EYS: variants seen among roughly 807,000 people sequenced by gnomAD.
EYS encodes the protein protein eyes shut homolog.
Under a neutral mutation model 282.1 loss-of-function variants are expected in EYS, and 250 were observed. The ratio of observed to expected loss-of-function variants is 0.89; its 90% confidence interval spans 0.80 to 0.98. The LOEUF is 0.98. Among genes scored for constraint, EYS ranks in the 50% least tolerant of loss-of-function variants. The probability of loss-of-function intolerance (pLI) is 0.00; values close to 1 mark genes in which losing one functional copy is unlikely to be tolerated. For synonymous variants in EYS, 1,355 were observed against 1,282.9 expected (o/e 1.06, Z -1.20); for missense variants, 4,016 against 3,709.0 (o/e 1.08, Z -2.15).
At chr6:64,363,847 A>G (rs1391973613) in intron 29 of EYS, among the ~76,000 whole-genome samples, 3 of 151,940 alleles carry the variant, frequency 2.0e-5, no homozygotes, top group African/African-American at 7.2e-5. Flanking sequence ...AATGTACAGT[A>G]TATCTACTGA....
intron 13 of EYS, among the ~76,000 whole-genome samples, chr6:65,043,794 C>A (rs1030324070): frequency 7.9e-5 from 12 of 151,464 alleles, no homozygotes; most frequent in African/African-American, 2.4e-4. Context: ...TTGACAGACA[C>A]TTAGGTTGAT....
chr6:64,445,479 C>T (rs1775090386), intron 26 of EYS, among the ~76,000 whole-genome samples: 1 of 152,054 alleles, frequency 6.6e-6, no homozygotes, highest in African/African-American at 2.4e-5. Context: ...ATTTTGTATG[C>T]TTTTGGTACA....
At chr6:64,322,340 A>C (rs1770245133) in intron 29 of EYS, among the ~76,000 whole-genome samples, 1 of 152,156 alleles carries the variant, frequency 6.6e-6, no homozygotes, top group Non-Finnish European at 1.5e-5. Flanking sequence ...ATGTTAGTAG[A>C]AACCCAGATA....
intron 22 of EYS, among the ~76,000 whole-genome samples, chr6:64,632,199 T>C (rs1767806326): frequency 6.6e-6 from 1 of 152,120 alleles, no homozygotes; most frequent in Non-Finnish European, 1.5e-5. Flanking sequence ...ATCAGATATG[T>C]AAATGACTTC....
chr6:65,244,603 C>G (rs1380525864), intron 12 of EYS, among the ~76,000 whole-genome samples: 1 of 152,120 alleles, frequency 6.6e-6, no homozygotes, highest in African/African-American at 2.4e-5. Context: ...AGCTCTGCCT[C>G]CCGGGTTCAT....
intron 29 of EYS, chr6:64,378,051 C>G (rs1161743625): frequency 6.6e-6 from 1 of 152,146 alleles, no homozygotes; most frequent in African/African-American, 2.4e-5. Flanking sequence ...CTCCAGAATG[C>G]TTGCTTACTT....
chr6:64,008,193 C>CT (rs1768440730), intron 33 of EYS, among the ~76,000 whole-genome samples: 1 of 152,106 alleles, frequency 6.6e-6, no homozygotes, highest in African/African-American at 2.4e-5. Context: ...ATGATTAGGT[C>CT]TTTTTTTCGA....
At position 63,907,681 on chromosome 6, in the gene EYS, A is replaced by G. The variant is rs1278385591; in HGVS notation, c.7056-43323T>C. ...AAAAGTGCAGTTTTGTTTCATGAAT[A>G]GTGGTGAAGTCTGGGCTTTTAGTGT... On this transcript the variant is annotated intron_variant, in intron 35 of 42. Transcript: ENST00000503581. Among the ~76,000 whole-genome samples, 3 of 152,104 alleles carry G rather than the reference A, an allele frequency of 2.0e-5. No individual in the cohort carries two copies. The East Asian group carries it at 5.8e-4, about 29-fold the overall frequency.
chr6:63,796,196 A>C (rs1770640292), intron 37 of EYS, among the ~76,000 whole-genome samples: 1 of 152,202 alleles, frequency 6.6e-6, no homozygotes, highest in Non-Finnish European at 1.5e-5. Context: ...GAAGTGGTAC[A>C]TGCTTGTGTT....
chr6:64,036,040 C>T (rs1438332577), intron 33 of EYS, among the ~76,000 whole-genome samples: 1 of 152,204 alleles, frequency 6.6e-6, no homozygotes, highest in Non-Finnish European at 1.5e-5. Flanking sequence ...CTGATTTACA[C>T]TTGTTCTTTC....
At chr6:65,157,796 C>T (rs549837289) in intron 12 of EYS, among the ~76,000 whole-genome samples, 3 of 149,206 alleles carry the variant, frequency 2.0e-5, no homozygotes, top group East Asian at 2.0e-4. Context: ...CAGGTTTTTT[C>T]CCCCCATATT....
intron 41 of EYS, among the ~76,000 whole-genome samples, chr6:63,727,923 C>T (rs1428130349): frequency 1.4e-5 from 2 of 144,938 alleles, no homozygotes; most frequent in South Asian, 2.2e-4. Context: ...GGGACCCTGT[C>T]GTAAAAAAAA....
intron 26 of EYS, among the ~76,000 whole-genome samples, chr6:64,452,671 A>G (rs1775400927): frequency 1.3e-5 from 2 of 152,170 alleles, no homozygotes; most frequent in African/African-American, 4.8e-5. Context: ...ATACAGACCA[A>G]TGGAACAGAA....
intron 2 of EYS, among the ~76,000 whole-genome samples, chr6:65,629,198 A>G (rs1262193374): frequency 6.6e-6 from 1 of 152,172 alleles, no homozygotes; most frequent in African/African-American, 2.4e-5. Context: ...GGATCAAGGT[A>G]CCCAAAATTA....
rs1002097755 is a variant in EYS at position 64,813,690 on chromosome 6, G to A, written c.3244-113C>T. ...AAAAAACTGATGTGCAAACTTGTTT[G>A]ACATTTCCTTCCTCTGTTAATTGAA... On this transcript the variant is annotated intron_variant, in intron 21 of 42. Coordinates refer to ENST00000503581, the MANE Select transcript of EYS (RefSeq NM_001142800.2). 41 of 610,792 alleles carry A rather than the reference G, an allele frequency of 6.7e-5. No homozygotes were observed. In the African/African-American group the frequency reaches 7.9e-4, roughly 12 times the overall value. The allele number at this position is 610,792 out of a possible 1,614,324, so 37.8% of individuals were successfully genotyped here.
At chr6:65,531,218 T>A (rs1379652460) in intron 2 of EYS, among the ~76,000 whole-genome samples, 2 of 152,130 alleles carry the variant, frequency 1.3e-5, no homozygotes, top group Admixed American at 1.3e-4. Flanking sequence ...GAAATTAATG[T>A]TCTCCCGGCA....
intron 31 of EYS, among the ~76,000 whole-genome samples, chr6:64,099,451 A>T (rs920928470): frequency 1.3e-5 from 2 of 152,212 alleles, no homozygotes; most frequent in Non-Finnish European, 2.9e-5. Context: ...CCTAGCAAGG[A>T]TGAAATTATA....
At chr6:65,579,653 A>T (rs569848610) in intron 2 of EYS, among the ~76,000 whole-genome samples, 14 of 152,230 alleles carry the variant, frequency 9.2e-5, no homozygotes, top group Non-Finnish European at 1.5e-4. Context: ...AGGCAGAGAC[A>T]CAGAAATCTG....
Position 64,585,601 on chromosome 6 carries a change from GTAAA to G in EYS, c.5644+4618_5644+4621del, listed in dbSNP as rs757042424. Among the ~76,000 whole-genome samples the G allele has an allele frequency of 2.0e-3, 302 of 152,208 alleles. 1 individual carries two copies. Among genetic ancestry groups the G allele is most frequent in the Non-Finnish European group, 1.1e-3 (77 of 67,994 alleles). On this transcript the variant is annotated intron_variant, in intron 26 of 42. Transcript: ENST00000503581. ...TAAAACAATGCATCAACAGAATTCA[GTAAA>G]TAATCTTTCTCTATGGACTCACAAT...
Sources: allele counts gnomAD v4.1 joint callset (sites outside exome capture counted in the v4.1 genomes callset), GRCh38; gene constraint gnomAD v4.1.1; transcripts MANE v1.5; gene names NCBI Gene and HGNC (gene_info 2026-07-23, HGNC 2026-07-21).